The following MACROD2 variants were observed in gnomAD, a reference collection of about 807,000 sequenced individuals.
The protein encoded by MACROD2 is mono-ADP ribosylhydrolase 2.
Under a neutral mutation model 70.4 loss-of-function variants are expected in MACROD2, and 36 were observed. That is an observed-to-expected ratio of 0.51 (90% CI 0.39 to 0.68). MACROD2 has a LOEUF of 0.68. MACROD2 is among the 30% of genes least tolerant of loss of function. The probability of loss-of-function intolerance (pLI) is 0.00; values close to 1 mark genes in which losing one functional copy is unlikely to be tolerated. For missense variants in MACROD2, 496 were observed against 538.4 expected (o/e 0.92, Z 0.78); for synonymous variants, 172 against 178.8 (o/e 0.96, Z 0.30).
At chr20:14,752,786 G>C (rs112432412) in intron 5 of MACROD2, among the ~76,000 whole-genome samples, 3 of 151,990 alleles carry the variant, frequency 2.0e-5, no homozygotes, top group African/African-American at 7.3e-5. Flanking sequence ...GATTTTGTAG[G>C]GCATTTATTT....
At chr20:14,960,998 C>T (rs1324584591) in intron 5 of MACROD2, among the ~76,000 whole-genome samples, 2 of 152,128 alleles carry the variant, frequency 1.3e-5, no homozygotes, top group African/African-American at 2.4e-5. Flanking sequence ...AGTTTCATTT[C>T]ACACTAATAA....
intron 8 of MACROD2, among the ~76,000 whole-genome samples, chr20:15,645,748 G>A (rs2049531707): frequency 6.6e-6 from 1 of 152,178 alleles, no homozygotes; most frequent in African/African-American, 2.4e-5. Context: ...GCAAGGCTGT[G>A]TAAATATATA....
At chr20:15,103,390 T>G (rs2075888146) in intron 5 of MACROD2, among the ~76,000 whole-genome samples, 1 of 152,062 alleles carries the variant, frequency 6.6e-6, no homozygotes, top group Non-Finnish European at 1.5e-5. Context: ...TTCCTAGACA[T>G]CCCCAGTAGG....
chr20:14,863,320 A>G (rs1251553112), intron 5 of MACROD2, among the ~76,000 whole-genome samples: 1 of 151,892 alleles, frequency 6.6e-6, no homozygotes. Flanking sequence ...GTCCTTTCTG[A>G]TTTTCTCCCC....
chr20:14,068,765 G>A (rs1037166844), intron 2 of MACROD2, among the ~76,000 whole-genome samples: 1 of 152,176 alleles, frequency 6.6e-6, no homozygotes, highest in East Asian at 1.9e-4. Flanking sequence ...CACAGATTGG[G>A]GAATAGGGGC....
At chr20:15,681,198 A>G (rs191397743) in intron 8 of MACROD2, among the ~76,000 whole-genome samples, 4 of 152,310 alleles carry the variant, frequency 2.6e-5, no homozygotes, top group African/African-American at 9.6e-5. Context: ...TCTTGGTTTA[A>G]AGTTTGACTT....
chr20:15,541,709 T>C (rs2146568310), intron 8 of MACROD2, among the ~76,000 whole-genome samples: 1 of 152,342 alleles, frequency 6.6e-6, no homozygotes, highest in East Asian at 1.9e-4. Context: ...TTGTTTTTCA[T>C]ATGCATAACT....
chr20:14,503,711 C>T (rs1471732329), intron 4 of MACROD2, among the ~76,000 whole-genome samples: 1 of 152,214 alleles, frequency 6.6e-6, no homozygotes, highest in Non-Finnish European at 1.5e-5. Flanking sequence ...AAAGCCCTCA[C>T]TAGGCTAAAA....
chr20:14,780,064 T>A (rs1256527054), intron 5 of MACROD2, among the ~76,000 whole-genome samples: 6 of 152,016 alleles, frequency 3.9e-5, no homozygotes, highest in Non-Finnish European at 5.9e-5. Flanking sequence ...AATGCCACAC[T>A]TAAAAAAGTG....
intron 3 of MACROD2, among the ~76,000 whole-genome samples, chr20:14,354,709 C>T (rs6079398): frequency 0.45 from 68,733 of 151,902 alleles, 16,326 homozygotes; most frequent in Non-Finnish European, 0.53. Context: ...ATCACATAGG[C>T]CCTGAGCACG....
chr20:14,244,888 C>G (rs116618555), intron 3 of MACROD2, among the ~76,000 whole-genome samples: 3 of 152,246 alleles, frequency 2.0e-5, no homozygotes, highest in African/African-American at 7.2e-5. Context: ...ATGTAATATT[C>G]TTGTAGCAAA....
intron 8 of MACROD2, among the ~76,000 whole-genome samples, chr20:15,583,531 T>A (rs1225068410): frequency 6.6e-6 from 1 of 152,212 alleles, no homozygotes; most frequent in Non-Finnish European, 1.5e-5. Flanking sequence ...GGCTTTCTGT[T>A]TTCTTGCAGA....
intron 6 of MACROD2, among the ~76,000 whole-genome samples, chr20:15,405,467 G>A (rs1006967726): frequency 1.3e-5 from 2 of 152,108 alleles, no homozygotes; most frequent in Non-Finnish European, 2.9e-5. Flanking sequence ...AGGAGCAATA[G>A]GATTTCCTCT....
intron 5 of MACROD2, among the ~76,000 whole-genome samples, chr20:15,094,118 A>G (rs1013256324): frequency 1.3e-5 from 2 of 152,186 alleles, no homozygotes; most frequent in Non-Finnish European, 2.9e-5. Context: ...CATAACAAAT[A>G]AATCACTTCC....
rs147173534 is a variant in MACROD2, at chr20:14,795,313, TGAG to T, written c.418+110358_418+110360del. ...GGTTAGAATAGAAACAGAGAGAGTA[TGAG>T]GAGAAGAAAGCCAGGATCTAGGGAA... is the stretch of plus-strand genomic sequence containing the variant. On this transcript the variant is annotated intron_variant, in intron 5 of 17. Coordinates refer to ENST00000684519, the MANE Select transcript of MACROD2 (RefSeq NM_001351661.2). Among the ~76,000 whole-genome samples, 616 of 152,154 alleles carry T rather than the reference TGAG, an allele frequency of 4.0e-3. 5 individuals are homozygous for T. Among genetic ancestry groups the T allele is most frequent in the African/African-American group, 0.014 (587 of 41,478 alleles).
At chr20:14,671,643 T>C (rs2070796039) in intron 4 of MACROD2, among the ~76,000 whole-genome samples, 1 of 152,196 alleles carries the variant, frequency 6.6e-6, no homozygotes, top group Non-Finnish European at 1.5e-5. Context: ...TGTGTAAATA[T>C]TTATTCTATT....
chr20:14,851,965 A>G (rs2073203933), intron 5 of MACROD2, among the ~76,000 whole-genome samples: 1 of 152,184 alleles, frequency 6.6e-6, no homozygotes, highest in Non-Finnish European at 1.5e-5. Flanking sequence ...ATGGACCTTG[A>G]AAGACAGGTG....
intron 3 of MACROD2, among the ~76,000 whole-genome samples, chr20:14,408,418 C>T (rs1287696795): frequency 1.3e-5 from 2 of 152,156 alleles, no homozygotes; most frequent in Non-Finnish European, 2.9e-5. Context: ...CCTTGGGTGG[C>T]AGTGTGGAGG....
intron 15 of MACROD2, among the ~76,000 whole-genome samples, chr20:16,007,462 T>A (rs970787570): frequency 1.5e-4 from 23 of 152,190 alleles, no homozygotes; most frequent in African/African-American, 5.3e-4. Context: ...TACCACAGTG[T>A]CCAGAAAATG....
Sources: gnomAD v4.1 joint callset for allele counts (sites outside exome capture counted in the v4.1 genomes callset) on GRCh38, gnomAD v4.1.1 for gene constraint, MANE v1.5 for transcripts, NCBI Gene and HGNC (gene_info 2026-07-23, HGNC 2026-07-21) for gene names.